TBC1D32: variants seen among roughly 807,000 people sequenced by gnomAD.
The protein encoded by TBC1D32 is protein broad-minded.
Under a neutral mutation model 170.3 loss-of-function variants are expected in TBC1D32, and 151 were observed. That is an observed-to-expected ratio of 0.89 (90% CI 0.78 to 1.01). The LOEUF (loss-of-function observed/expected upper bound fraction) is 1.01. Ranked by LOEUF, TBC1D32 falls within the 50% of genes least tolerant of loss-of-function variation. TBC1D32 has a pLI of 0.00. For synonymous variants in TBC1D32, 498 were observed against 488.0 expected (o/e 1.02, Z -0.27); for missense variants, 1,464 against 1,457.1 (o/e 1.00, Z -0.08).
In TBC1D32 at chr6:121,304,356, G is replaced by C; in HGVS notation, c.935+9C>G. On this transcript the variant is annotated intron_variant, in intron 8 of 31. Transcript: ENST00000398212. ...GTTTTATGCTGGCATACATTGGGAG[G>C]GGACTTACTTCTCTGGATGACGAAT... The C allele has an allele frequency of 6.2e-7, 1 of 1,612,746 alleles. No individual in the cohort carries two copies. Among genetic ancestry groups the C allele is most frequent in the Non-Finnish European group, 8.5e-7 (1 of 1,179,342 alleles).
At chr6:121,177,278 G>C (rs780994530) in intron 22 of TBC1D32, among the ~76,000 whole-genome samples, 4 of 152,112 alleles carry the variant, frequency 2.6e-5, no homozygotes, top group Admixed American at 6.5e-5. Context: ...ATGATAGTGA[G>C]CGAGTTTCTC....
intron 30 of TBC1D32, 44 bp downstream of exon 30, chr6:121,105,979 C>T (rs1778642423): frequency 6.6e-7 from 1 of 1,512,726 alleles, no homozygotes; most frequent in Non-Finnish European, 8.9e-7. Context: ...TTTGAAGACA[C>T]TGAGATAAAG....
At chr6:121,281,447 C>T in intron 14 of TBC1D32, 97 bp downstream of exon 14, 1 of 908,994 alleles carries the variant, frequency 1.1e-6, no homozygotes, top group Non-Finnish European at 1.7e-6. Context: ...GGAAGGACAG[C>T]ATAATAAAAT....
chr6:121,227,464 T>A (rs1163681607), intron 20 of TBC1D32, among the ~76,000 whole-genome samples: 1 of 152,166 alleles, frequency 6.6e-6, no homozygotes, highest in Non-Finnish European at 1.5e-5. Flanking sequence ...ACAAACTGTA[T>A]GTTTTCCAAA....
intron 9 of TBC1D32, among the ~76,000 whole-genome samples, chr6:121,300,562 A>T (rs1304715845): frequency 6.6e-6 from 1 of 152,176 alleles, no homozygotes; most frequent in Non-Finnish European, 1.5e-5. Context: ...AGACTTAAAC[A>T]TAAGCTCTAA....
chr6:121,105,887 G>T, intron 30 of TBC1D32, 136 bp downstream of exon 30: 1 of 980,830 alleles, frequency 1.0e-6, no homozygotes, highest in Non-Finnish European at 1.4e-6. Context: ...AACAGGCCTG[G>T]GGAGAAAAGC....
At chr6:121,208,250 A>AGACT (rs1041681622) in intron 21 of TBC1D32, among the ~76,000 whole-genome samples, 6 of 152,138 alleles carry the variant, frequency 3.9e-5, no homozygotes, top group African/African-American at 1.4e-4. Flanking sequence ...GACATACCTG[A>AGACT]GACTGGGTAA....
intron 22 of TBC1D32, among the ~76,000 whole-genome samples, chr6:121,179,070 T>TA (rs962390877): frequency 5.3e-5 from 8 of 151,856 alleles, no homozygotes; most frequent in African/African-American, 1.9e-4. Flanking sequence ...AATAGAGCAA[T>TA]AAAAAATAAT....
intron 3 of TBC1D32, among the ~76,000 whole-genome samples, chr6:121,313,171 G>T (rs1012636719): frequency 7.2e-6 from 1 of 139,308 alleles, no homozygotes; most frequent in African/African-American, 2.7e-5. Flanking sequence ...TGTGTGTGTA[G>T]AGACCTTGTC....
Position 121,255,528 on chromosome 6 carries a change from T to TATA in TBC1D32, c.1936-119_1936-118insTAT, listed in dbSNP as rs1583421638. Reference sequence around the variant, plus strand: ...TATATTTATAATTATATTTTATATTTCTTACTGATAGCACTACCCATAAGA... The same window carrying TATA: ...TATATTTATAATTATATTTTATATTTATACTTACTGATAGCACTACCCATAAGA... On this transcript the variant is annotated intron_variant, in intron 16 of 31. Transcript: ENST00000398212. 15 of 247,680 alleles carry TATA rather than the reference T, an allele frequency of 6.1e-5. 1 individual carries two copies. Among genetic ancestry groups the TATA allele is most frequent in the South Asian group, 1.6e-4 (1 of 6,354 alleles). 15.3% of individuals were successfully genotyped at this position (247,680 alleles called of 1,614,324 possible). A position where few individuals can be genotyped will look rare whatever the true frequency, so the allele number is the denominator to read the frequency against.
chr6:121,161,816 T>A (rs1785703534), intron 22 of TBC1D32, among the ~76,000 whole-genome samples: 1 of 152,236 alleles, frequency 6.6e-6, no homozygotes, highest in Admixed American at 6.5e-5. Flanking sequence ...AAAAGCATTC[T>A]TTTTTCTCCA....
intron 3 of TBC1D32, among the ~76,000 whole-genome samples, chr6:121,316,477 T>G (rs1387517203): frequency 6.6e-6 from 1 of 152,042 alleles, no homozygotes; most frequent in African/African-American, 2.4e-5. Context: ...CCCCACCTTT[T>G]TCCACACAGT....
chr6:121,174,517 A>G (rs935817620), intron 22 of TBC1D32, among the ~76,000 whole-genome samples: 1 of 152,212 alleles, frequency 6.6e-6, no homozygotes, highest in Non-Finnish European at 1.5e-5. Context: ...AGTTACTACA[A>G]GAGTGGGGCG....
Position 121,223,293 on chromosome 6 carries a change from A to T in TBC1D32, c.2424T>A (p.Asn808Lys). 6.3e-7 allele frequency: 1 copy of T among 1,597,016 alleles called. No individual in the cohort carries two copies. Among genetic ancestry groups the T allele is most frequent in the Non-Finnish European group, 8.5e-7 (1 of 1,174,554 alleles). Residue 808 changes from asparagine to lysine, a missense_variant, in exon 21 of 32, where the codon AAT (asparagine) becomes AAA (lysine). Asn to Lys is a moderately conservative substitution (Grantham distance 94). Coordinates refer to ENST00000398212, the MANE Select transcript of TBC1D32 (RefSeq NM_152730.6). ...ATTCTGTTTTATTAGGAAGATCTTG[A>T]TTCCTTACAAGCTCATAAATAGCAG... ...SYPAIYELVR[N>K]QDLPNKTEYS...
intron 31 of TBC1D32, among the ~76,000 whole-genome samples, chr6:121,088,901 T>C (rs959723553): frequency 1.1e-4 from 16 of 152,178 alleles, no homozygotes; most frequent in African/African-American, 3.9e-4. Flanking sequence ...GACAGCATTA[T>C]GCTGAAAACA....
intron 2 of TBC1D32, among the ~76,000 whole-genome samples, chr6:121,319,650 C>T (rs949502140): frequency 6.6e-6 from 1 of 152,044 alleles, no homozygotes; most frequent in African/African-American, 2.4e-5. Context: ...ACTTAAAATC[C>T]ATAGAAAATC....
intron 1 of TBC1D32, among the ~76,000 whole-genome samples, chr6:121,325,306 A>G (rs1442756330): frequency 6.6e-6 from 1 of 152,146 alleles, no homozygotes; most frequent in Non-Finnish European, 1.5e-5. Context: ...TGATATTTCA[A>G]TTCCATAAAA....
At chr6:121,317,464 C>A in intron 3 of TBC1D32, 31 bp downstream of exon 3, 1 of 1,465,470 alleles carries the variant, frequency 6.8e-7, no homozygotes, top group Non-Finnish European at 9.1e-7. Flanking sequence ...AACAGCATTT[C>A]AAGACATAAA....
rs374599450 is a variant in TBC1D32 at position 121,264,815 on chromosome 6, C to T, written c.1734-8530G>A. On this transcript the variant is annotated intron_variant, in intron 15 of 31. Transcript: ENST00000398212. ...CGTAAACAGAACCAATGACAAAAAT[C>T]ATGATTACCTCAATAGATGCAGAAA... is the stretch of plus-strand genomic sequence containing the variant. Among the ~76,000 whole-genome samples the T allele has an allele frequency of 4.6e-5, 7 of 152,240 alleles. No individual in the cohort carries two copies. In the South Asian group the frequency reaches 1.2e-3, roughly 27 times the overall value.
Sources: gnomAD v4.1 joint callset for allele counts (sites outside exome capture counted in the v4.1 genomes callset) on GRCh38, gnomAD v4.1.1 for gene constraint, MANE v1.5 for transcripts, NCBI Gene and HGNC (gene_info 2026-07-23, HGNC 2026-07-21) for gene names.